CLSPN: variants seen among roughly 807,000 people sequenced by gnomAD.
CLSPN encodes claspin.
In CLSPN, 85 loss-of-function variants were observed where a neutral mutation model predicts 156.3. The observed-to-expected ratio is 0.54, with a 90% CI of 0.46 to 0.65. CLSPN has a LOEUF of 0.65. Among genes scored for constraint, CLSPN ranks in the 30% least tolerant of loss-of-function variants. The pLI is 0.00. For missense variants in CLSPN, 1,407 were observed against 1,554.9 expected (o/e 0.90, Z 1.60); for synonymous variants, 534 against 542.4 (o/e 0.98, Z 0.22).
downstream of CLSPN, among the ~76,000 whole-genome samples, chr1:35,729,990 T>C (rs1310907519): frequency 6.6e-6 from 1 of 152,200 alleles, no homozygotes; most frequent in Non-Finnish European, 1.5e-5. Context: ...GCTCTACACC[T>C]CTATTCTGTC....
intron 16 of CLSPN, among the ~76,000 whole-genome samples, chr1:35,744,311 ACTT>A (rs1052558327): frequency 3.3e-5 from 5 of 152,140 alleles, no homozygotes; most frequent in Non-Finnish European, 5.9e-5. Flanking sequence ...AAGTGTCAGA[ACTT>A]CTTTTTTTTT....
intron 6 of CLSPN, among the ~76,000 whole-genome samples, 186 bp from the exon 7 acceptor site, chr1:35,761,390 A>G (rs148523060): frequency 1.3e-5 from 2 of 152,342 alleles, no homozygotes; most frequent in African/African-American, 4.8e-5. Context: ...CCTAGATGTG[A>G]AATCAAAATG....
chr1:35,735,544 C>T lies in CLSPN; in HGVS notation c.*952G>A, dbSNP rs191223979. The T allele has an allele frequency of 2.2e-5, 12 of 545,126 alleles. No homozygotes were observed. Among genetic ancestry groups the T allele is most frequent in the Non-Finnish European group, 2.8e-5 (12 of 428,110 alleles). 33.8% of individuals were successfully genotyped at this position (545,126 alleles called of 1,614,324 possible). A position where few individuals can be genotyped will look rare whatever the true frequency, so the allele number is the denominator to read the frequency against. On this transcript the variant is annotated 3_prime_UTR_variant, in exon 25 of 25. Transcript: ENST00000318121. Reference sequence around the variant, plus strand: ...CCAACATGGTGACTCCCTGTCTCCACTAAAAATACAAAAATTAGCCAGGTG... The same window carrying T: ...CCAACATGGTGACTCCCTGTCTCCATTAAAAATACAAAAATTAGCCAGGTG...
At position 35,736,378 on chromosome 1, in the gene CLSPN, T is replaced by C. The variant is rs1641472169; in HGVS notation, c.*118A>G. ...AAATCACTGGAATTTCTGTCTGCAA[T>C]CTTATTGCATTGATTATGAAAGAAG... On this transcript the variant is annotated 3_prime_UTR_variant, in exon 25 of 25. Coordinates refer to ENST00000318121, the MANE Select transcript of CLSPN (RefSeq NM_022111.4). The C allele has an allele frequency of 1.4e-6, 2 of 1,419,802 alleles. No individual in the cohort carries two copies. The highest frequency in any genetic ancestry group is 1.8e-6 in the Non-Finnish European group (2 of 1,087,042). The allele number at this position is 1,419,802 out of a possible 1,614,324, so 88.0% of individuals were successfully genotyped here. A position where few individuals can be genotyped will look rare whatever the true frequency, so the allele number is the denominator to read the frequency against.
In CLSPN at chr1:35,732,908, G is replaced by A. The variant is rs1401997620; in HGVS notation, c.*3588C>T. ...AAAAGTAACCCAGAGTTTGACTCAAGTTTTCTTTCTCCAAAGAGTGCTTTC... is the reference window on the plus strand; with the variant it reads ...AAAAGTAACCCAGAGTTTGACTCAAATTTTCTTTCTCCAAAGAGTGCTTTC... On this transcript the variant is annotated 3_prime_UTR_variant, in exon 25 of 25. Coordinates refer to ENST00000318121, the MANE Select transcript of CLSPN (RefSeq NM_022111.4). 2.0e-6 allele frequency: 2 copies of A among 985,232 alleles called. No homozygotes were observed. Among genetic ancestry groups the A allele is most frequent in the Non-Finnish European group, 2.4e-6 (2 of 829,910 alleles). The allele number at this position is 985,232 out of a possible 1,614,324, so 61.0% of individuals were successfully genotyped here.
intron 24 of CLSPN, among the ~76,000 whole-genome samples, chr1:35,724,355 G>T (rs1180350197): frequency 6.6e-6 from 1 of 152,196 alleles, no homozygotes; most frequent in African/African-American, 2.4e-5. Context: ...ACACCCCGTA[G>T]GCCAGTGTGG....
At position 35,734,513 on chromosome 1, in the gene CLSPN, C is replaced by T; in HGVS notation, c.*1983G>A. ...TGGCCAACATGGCGAAACCTCATCT[C>T]TAATAAAAATACAAAAAATTAGCTG... On this transcript the variant is annotated 3_prime_UTR_variant, in exon 25 of 25. Coordinates refer to ENST00000318121, the MANE Select transcript of CLSPN (RefSeq NM_022111.4). 2.8e-6 allele frequency: 1 copy of T among 362,074 alleles called. No homozygotes were observed. Among genetic ancestry groups the T allele is most frequent in the Non-Finnish European group, 3.8e-6 (1 of 260,764 alleles). 22.4% of individuals were successfully genotyped at this position (362,074 alleles called of 1,614,324 possible). A position where few individuals can be genotyped will look rare whatever the true frequency, so the allele number is the denominator to read the frequency against.
chr1:35,757,301 G>A (rs768807378), intron 8 of CLSPN, among the ~76,000 whole-genome samples: 11 of 152,110 alleles, frequency 7.2e-5, no homozygotes, highest in South Asian at 4.1e-4. Context: ...AGTGTTTTAC[G>A]TGTATACACA....
At position 35,763,226 on chromosome 1, in the gene CLSPN, T is replaced by C; in HGVS notation, c.678A>G (p.Pro226=). ...ATTCTAATGACTCTTCATCTTCCAA[T>C]GGAGAGTTATTTTCATCCTCCAACC... is the stretch of plus-strand genomic sequence containing the variant. ...ETGLEDENNS[P]LEDEESLESI... Residue 226 remains proline (P), a synonymous_variant, in exon 4 of 25, where the codon CCA becomes CCG. Coordinates refer to ENST00000318121, the MANE Select transcript of CLSPN (RefSeq NM_022111.4). 2 of 1,609,974 alleles carry C rather than the reference T, an allele frequency of 1.2e-6. No homozygotes were observed. The highest frequency in any genetic ancestry group is 1.7e-6 in the Non-Finnish European group (2 of 1,178,896).
chr1:35,743,371 T>C, intron 17 of CLSPN, 84 bp downstream of exon 17: 1 of 1,398,038 alleles, frequency 7.2e-7, no homozygotes, highest in South Asian at 1.2e-5. Flanking sequence ...AACTTAGAAT[T>C]CTCAAGAACT....
intron 8 of CLSPN, among the ~76,000 whole-genome samples, chr1:35,754,999 A>C (rs1642223773): frequency 6.6e-6 from 1 of 152,230 alleles, no homozygotes; most frequent in African/African-American, 2.4e-5. Flanking sequence ...ACTTCATATC[A>C]TAATGGAATC....
At position 35,743,214 on chromosome 1, in the gene CLSPN, G is replaced by A; in HGVS notation, c.3070C>T (p.Leu1024=). Reference sequence around the variant, plus strand: ...TCATCTTCATGGTCTTCCAGTGCCAGATCATTACCAGAGTCACTGTGTTCA... The same window carrying A: ...TCATCTTCATGGTCTTCCAGTGCCAAATCATTACCAGAGTCACTGTGTTCA... ...EDEHSDSGND[L]ALEDHEDDDE... Residue 1024 remains leucine (L), a synonymous_variant, in exon 18 of 25, where the codon CTG becomes TTG. Coordinates refer to ENST00000318121, the MANE Select transcript of CLSPN (RefSeq NM_022111.4). The A allele has an allele frequency of 1.2e-6, 2 of 1,613,930 alleles. No individual in the cohort carries two copies. Among genetic ancestry groups the A allele is most frequent in the South Asian group, 2.2e-5 (2 of 91,080 alleles).
At chr1:35,765,428 G>A (rs1162729538) in intron 1 of CLSPN, 102 bp from the exon 2 acceptor site, 1 of 718,170 alleles carries the variant, frequency 1.4e-6, no homozygotes, top group Admixed American at 2.4e-5. Context: ...CTGAACTAAG[G>A]AAAGAACCAA....
intron 20 of CLSPN, 70 bp downstream of exon 20, chr1:35,739,066 T>C: frequency 6.3e-7 from 1 of 1,581,474 alleles, no homozygotes; most frequent in Non-Finnish European, 8.6e-7. Context: ...CCCAAAGTGT[T>C]GGGATTACAG....
At chr1:35,753,501 T>G (rs1239703615) in intron 9 of CLSPN, among the ~76,000 whole-genome samples, 1 of 151,936 alleles carries the variant, frequency 6.6e-6, no homozygotes, top group Non-Finnish European at 1.5e-5. Flanking sequence ...TCATTTATTC[T>G]ATATATTTGT....
Position 35,758,002 on chromosome 1 carries a change from TTTTG to T in CLSPN, c.1579+2336_1579+2339del, listed in dbSNP as rs550873681. Among the ~76,000 whole-genome samples, 222 of 152,104 alleles carry T rather than the reference TTTTG, an allele frequency of 1.5e-3. 1 individual carries two copies. Among genetic ancestry groups the T allele is most frequent in the African/African-American group, 5.1e-3 (210 of 41,478 alleles). ...TGAAACAGAATCTTTTTTGTGTGTG[TTTTG>T]TTTTTCTTTTTGTTTTAATGAGACA... On this transcript the variant is annotated intron_variant, in intron 8 of 24. Coordinates refer to ENST00000318121, the MANE Select transcript of CLSPN (RefSeq NM_022111.4).
intron 18 of CLSPN, among the ~76,000 whole-genome samples, chr1:35,741,266 A>C (rs998761792): frequency 6.6e-6 from 1 of 152,218 alleles, no homozygotes. Flanking sequence ...ACTTTCATTT[A>C]TATCCTGGAT....
At chr1:35,765,541 T>C (rs1457636029) in intron 1 of CLSPN, among the ~76,000 whole-genome samples, 1 of 152,150 alleles carries the variant, frequency 6.6e-6, no homozygotes, top group Non-Finnish European at 1.5e-5. Context: ...CCAACTCTTT[T>C]AGTAACGGTA....
exon 25 of CLSPN, chr1:35,720,624 T>C: frequency 5.0e-6 from 1 of 200,668 alleles, no homozygotes; most frequent in Non-Finnish European, 1.0e-5. Flanking sequence ...ATTTTTGTAT[T>C]TTTAGTAGAG....
Sources: gnomAD v4.1 joint callset for allele counts (sites outside exome capture counted in the v4.1 genomes callset) on GRCh38, gnomAD v4.1.1 for gene constraint, MANE v1.5 for transcripts, NCBI Gene and HGNC (gene_info 2026-07-23, HGNC 2026-07-21) for gene names.